PIEZO2: variants seen among roughly 807,000 people sequenced by gnomAD.
PIEZO2 encodes piezo type mechanosensitive ion channel component 2.
PIEZO2 carries 172 observed loss-of-function variants against 337.3 expected under a neutral mutation model. The observed-to-expected ratio is 0.51, with a 90% CI of 0.45 to 0.58. The LOEUF (loss-of-function observed/expected upper bound fraction) is 0.58, where lower values mean the gene tolerates loss of function less well. PIEZO2 is among the 20% of genes least tolerant of loss of function. The pLI, the probability that PIEZO2 is intolerant of heterozygous loss-of-function variation, is 0.00. For synonymous variants in PIEZO2, 1,251 were observed against 1,228.5 expected (o/e 1.02, Z -0.38); for missense variants, 3,028 against 3,391.3 (o/e 0.89, Z 2.66).
chr18:11,148,661 A>C lies in PIEZO2; in HGVS notation c.-73T>G. 2.0e-6 allele frequency: 3 copies of C among 1,465,770 alleles called. No individual in the cohort carries two copies. Among genetic ancestry groups the C allele is most frequent in the Non-Finnish European group, 2.8e-6 (3 of 1,084,410 alleles). The allele number at this position is 1,465,770 out of a possible 1,614,324, so 90.8% of individuals were successfully genotyped here. A position where few individuals can be genotyped will look rare whatever the true frequency, so the allele number is the denominator to read the frequency against. ...CTAGGGGTGGTGGGACGCAAGGCCC[A>C]TGCCCGTCTATGGCCTCTCGCCGCC... On this transcript the variant is annotated 5_prime_UTR_variant, in exon 1 of 56. An upstream start codon of the reference 5' UTR is lost. Coordinates refer to ENST00000674853, the MANE Select transcript of PIEZO2 (RefSeq NM_001378183.1). The surrounding 1 kb of genome is among the most constrained non-coding windows in gnomAD (Gnocchi z 5.2).
At chr18:10,718,998 TA>T (rs2036134048) in intron 36 of PIEZO2, among the ~76,000 whole-genome samples, 4 of 150,548 alleles carry the variant, frequency 2.7e-5, no homozygotes, top group East Asian at 1.9e-4. Context: ...AATAAATAAA[TA>T]AATAAATAAA....
At chr18:11,012,026 G>T (rs2035923458) in intron 2 of PIEZO2, among the ~76,000 whole-genome samples, 1 of 152,098 alleles carries the variant, frequency 6.6e-6, no homozygotes, top group Non-Finnish European at 1.5e-5. Context: ...ACCGAAGAAA[G>T]GTAGGTCACC....
Position 10,714,889 on chromosome 18 carries a change from C to G in PIEZO2, c.5298G>C (p.Gln1766His), listed in dbSNP as rs937627173. ...CTCTGGAAAGGTTCATGATGTGGTTCTGATAGTACATGTGGATGCTCTCCC... is the reference window on the plus strand; with the variant it reads ...CTCTGGAAAGGTTCATGATGTGGTTGTGATAGTACATGTGGATGCTCTCCC... ...PTRESIHMYYQNHIMNLSRES... is the reference protein window; with the variant it reads ...PTRESIHMYYHNHIMNLSRES... The change falls in exon 39 of 56, where the codon CAG becomes CAC. Residue 1766 changes from glutamine (Q) to histidine (H), a missense_variant. Physicochemically the swap from Gln to His is conservative, Grantham distance 24 (BLOSUM62 0). Coordinates refer to ENST00000674853, the MANE Select transcript of PIEZO2 (RefSeq NM_001378183.1). 4 of 1,537,188 alleles carry G rather than the reference C, an allele frequency of 2.6e-6. No individual in the cohort carries two copies. The highest frequency in any genetic ancestry group is 3.5e-6 in the Non-Finnish European group (4 of 1,146,896).
intron 7 of PIEZO2, among the ~76,000 whole-genome samples, chr18:10,810,046 T>C (rs2040139528): frequency 6.6e-6 from 1 of 152,196 alleles, no homozygotes; most frequent in African/African-American, 2.4e-5. Context: ...ACATCTTCTG[T>C]TTATCTTTGA....
In PIEZO2 at chr18:10,993,513, TTTG is replaced by T. The variant is rs143536796; in HGVS notation, c.161-13856_161-13854del. Among the ~76,000 whole-genome samples, 8,430 of 151,656 alleles carry T rather than the reference TTTG, an allele frequency of 0.056. 510 individuals carry two copies. The highest frequency in any genetic ancestry group is 0.15 in the African/African-American group (6,120 of 41,298). Reference sequence around the variant, plus strand: ...TTCTGTTTATGTGATAGATTACGTTTTTGTTGTTGTTGTTGTTGTTGTTGTTGT... The same window carrying T: ...TTCTGTTTATGTGATAGATTACGTTTTTGTTGTTGTTGTTGTTGTTGTTGT... On this transcript the variant is annotated intron_variant, in intron 2 of 55. Coordinates refer to ENST00000674853, the MANE Select transcript of PIEZO2 (RefSeq NM_001378183.1). The surrounding 1 kb of genome is among the most constrained non-coding windows in gnomAD (Gnocchi z 5.0).
At chr18:10,687,926 C>CCA (rs796839637) in intron 49 of PIEZO2, among the ~76,000 whole-genome samples, 198 of 152,254 alleles carry the variant, frequency 1.3e-3, no homozygotes, top group African/African-American at 4.5e-3. Context: ...GGAGCCCAGC[C>CCA]CACACTGCTG....
intron 4 of PIEZO2, among the ~76,000 whole-genome samples, chr18:10,901,772 T>G (rs1048288791): frequency 2.0e-5 from 3 of 152,138 alleles, no homozygotes; most frequent in Non-Finnish European, 4.4e-5. Context: ...GGGGGCAAAA[T>G]GAAATCATTA....
At chr18:10,805,431 G>A (rs1408851217) in intron 8 of PIEZO2, among the ~76,000 whole-genome samples, 1 of 152,188 alleles carries the variant, frequency 6.6e-6, no homozygotes, top group Non-Finnish European at 1.5e-5. Context: ...CAGGAGAATT[G>A]CTTGAACCCA....
At chr18:10,924,820 C>T (rs1313697070) in intron 3 of PIEZO2, among the ~76,000 whole-genome samples, 1 of 152,126 alleles carries the variant, frequency 6.6e-6, no homozygotes, top group African/African-American at 2.4e-5. Context: ...TTGCTTTGTA[C>T]AGCTTGTGGC....
At position 10,903,777 on chromosome 18, in the gene PIEZO2, C is replaced by T. The variant is rs2043108714; in HGVS notation, c.329+7409G>A. Among the ~76,000 whole-genome samples the T allele has an allele frequency of 6.6e-6, 1 of 152,318 alleles. No individual in the cohort carries two copies. The highest frequency in any genetic ancestry group is 1.9e-4 in the East Asian group (1 of 5,184). On this transcript the variant is annotated intron_variant, in intron 4 of 55. Transcript: ENST00000674853. The surrounding 1 kb of genome is among the most constrained non-coding windows in gnomAD (Gnocchi z 4.1). Reference sequence around the variant, plus strand: ...ATGTCTTATCAAGTGTGGCTTCACACTTTATCCCTAACAGTTCAGATGGAT... The same window carrying T: ...ATGTCTTATCAAGTGTGGCTTCACATTTTATCCCTAACAGTTCAGATGGAT...
chr18:10,814,250 T>A (rs534788847), intron 7 of PIEZO2, among the ~76,000 whole-genome samples: 7 of 152,270 alleles, frequency 4.6e-5, no homozygotes, highest in Non-Finnish European at 7.4e-5. Flanking sequence ...ATTACAGGCA[T>A]GAGCCACCGT....
At chr18:11,051,883 T>C (rs1015915737) in intron 2 of PIEZO2, among the ~76,000 whole-genome samples, 26 of 152,318 alleles carry the variant, frequency 1.7e-4, no homozygotes, top group African/African-American at 6.0e-4. Context: ...GCCAGCTTTG[T>C]GGGTAGGACC....
Position 10,697,773 on chromosome 18 carries a change from T to C in PIEZO2, c.6802A>G (p.Lys2268Glu), listed in dbSNP as rs1294315597. ...YMEKLQEHLI[K>E]AKAFTIKKTL... Reference sequence around the variant, plus strand: ...TTCTTTATGGTAAAGGCTTTTGCTTTGATTAAATGTTCTTGAAGCTTTTCC... The same window carrying C: ...TTCTTTATGGTAAAGGCTTTTGCTTCGATTAAATGTTCTTGAAGCTTTTCC... The change falls in exon 45 of 56, where the codon AAA becomes GAA. Residue 2268 changes from lysine (K) to glutamate (E), a missense_variant. Physicochemically the swap from Lys to Glu is moderately conservative, Grantham distance 56. Transcript: ENST00000674853. The C allele has an allele frequency of 6.2e-7, 1 of 1,614,166 alleles. No homozygotes were observed. The highest frequency in any genetic ancestry group is 8.5e-7 in the Non-Finnish European group (1 of 1,180,044).
intron 2 of PIEZO2, among the ~76,000 whole-genome samples, chr18:10,983,349 G>A (rs2034742626): frequency 6.6e-6 from 1 of 152,066 alleles, no homozygotes; most frequent in South Asian, 2.1e-4. Flanking sequence ...TATTAAAGAG[G>A]ATAAGTAGTT....
At chr18:11,093,658 C>T (rs2039170242) in intron 1 of PIEZO2, among the ~76,000 whole-genome samples, 2 of 142,440 alleles carry the variant, frequency 1.4e-5, no homozygotes, top group Non-Finnish European at 3.0e-5. Flanking sequence ...GCAATCTCGG[C>T]TCACTGCAAG....
intron 1 of PIEZO2, among the ~76,000 whole-genome samples, chr18:11,136,476 C>G (rs982954004): frequency 7.2e-5 from 11 of 152,244 alleles, no homozygotes; most frequent in African/African-American, 1.9e-4. Flanking sequence ...GCTATAGCAG[C>G]CTTGTCTGGC....
intron 35 of PIEZO2, among the ~76,000 whole-genome samples, chr18:10,733,448 A>ATTTTTTTTT (rs34583213): frequency 7.8e-6 from 1 of 128,312 alleles, no homozygotes; most frequent in African/African-American, 3.1e-5. Context: ...AAACTTCCCA[A>ATTTTTTTTT]TTTTTTTTTT....
chr18:10,935,251 A>G (rs2032323828), intron 3 of PIEZO2, among the ~76,000 whole-genome samples: 2 of 152,224 alleles, frequency 1.3e-5, no homozygotes, highest in Non-Finnish European at 2.9e-5. Flanking sequence ...GATGCCACAC[A>G]TGATTATGAA....
intron 2 of PIEZO2, among the ~76,000 whole-genome samples, chr18:10,998,167 C>T (rs2145591421): frequency 1.3e-5 from 2 of 152,074 alleles, no homozygotes; most frequent in Admixed American, 1.3e-4. Context: ...GTGAAACTGT[C>T]CTTCAGGAAT....
Sources: gnomAD v4.1 joint callset for allele counts (sites outside exome capture counted in the v4.1 genomes callset) on GRCh38, gnomAD v4.1.1 for gene constraint, Gnocchi (gnomAD v3.1) non-coding constraint, MANE v1.5 for transcripts, NCBI Gene and HGNC (gene_info 2026-07-23, HGNC 2026-07-21) for gene names.